The following HAUS3 variants were observed in gnomAD, a reference collection of about 807,000 sequenced individuals.
HAUS3 encodes HAUS augmin like complex subunit 3.
Under a neutral mutation model 55.2 loss-of-function variants are expected in HAUS3, and 36 were observed. The observed-to-expected ratio is 0.65, with a 90% CI of 0.50 to 0.86. The LOEUF is 0.86. Among genes scored for constraint, HAUS3 ranks in the 40% least tolerant of loss-of-function variants. The pLI, the probability that HAUS3 is intolerant of heterozygous loss-of-function variation, is 0.00. For missense variants in HAUS3, 752 were observed against 671.5 expected, an observed-to-expected ratio of 1.12 and a Z score of -1.33; for synonymous variants, 234 against 238.6, an observed-to-expected ratio of 0.98 and a Z score of 0.18.
chr4:2,241,548 C>T lies in HAUS3; in HGVS notation c.-176G>A. 1.0e-6 allele frequency: 1 copy of T among 985,988 alleles called. No individual in the cohort carries two copies. The highest frequency in any genetic ancestry group is 1.2e-6 in the Non-Finnish European group (1 of 830,340). 61.1% of individuals were successfully genotyped at this position (985,988 alleles called of 1,614,324 possible). A position where few individuals can be genotyped will look rare whatever the true frequency, so the allele number is the denominator to read the frequency against. On this transcript the variant is annotated 5_prime_UTR_variant, in exon 2 of 6. Coordinates refer to ENST00000443786, the MANE Select transcript of HAUS3 (RefSeq NM_001303143.2). ...AACGTCTCGCCGGGCAAGGCTCCACCTCCAGAGTCCACCACCGCGACGCGG... is the reference window on the plus strand; with the variant it reads ...AACGTCTCGCCGGGCAAGGCTCCACTTCCAGAGTCCACCACCGCGACGCGG...
Position 2,240,633 on chromosome 4 carries a change from T to C in HAUS3, c.314A>G (p.Glu105Gly). Residue 105 changes from glutamate (E) to glycine (G), a missense_variant, in exon 3 of 6, where the codon GAG (glutamate) becomes GGG (glycine). Transcript: ENST00000443786. ...CTTTAATTTCAGTAGAGTTTGAACC[T>C]CATCCTCTAATTTCTCCAGCTCTTT... ...DDKELEKLEDEVQTLLKLKNL... is the reference protein window; with the variant it reads ...DDKELEKLEDGVQTLLKLKNL... 1.2e-6 allele frequency: 2 copies of C among 1,613,736 alleles called. No homozygotes were observed. Among genetic ancestry groups the C allele is most frequent in the Non-Finnish European group, 8.5e-7 (1 of 1,179,944 alleles).
Position 2,240,916 on chromosome 4 carries a change from A to G in HAUS3, c.31T>C (p.Leu11=), listed in dbSNP as rs1476809954. Residue 11 remains leucine (L), a synonymous_variant, in exon 3 of 6, where the codon TTA becomes CTA. Coordinates refer to ENST00000443786, the MANE Select transcript of HAUS3 (RefSeq NM_001303143.2). MSCGNEFVET[L]KKIGYPKADN... The stretch of plus-strand genomic sequence containing the variant: ...GCTTTGGGATAACCAATTTTTTTTA[A>G]TGTTTCCACAAACTCATTTCCACAA... 6.2e-7 allele frequency: 1 copy of G among 1,600,052 alleles called. No homozygotes were observed. The highest frequency in any genetic ancestry group is 8.5e-7 in the Non-Finnish European group (1 of 1,178,902).
intron 5 of HAUS3, among the ~76,000 whole-genome samples, chr4:2,235,058 GTATTT>G (rs1311285680): frequency 5.9e-5 from 9 of 152,268 alleles, no homozygotes; most frequent in African/African-American, 2.2e-4. Flanking sequence ...GCTAATTTTT[GTATTT>G]TTAGTAGAGA....
chr4:2,240,511 T>C lies in HAUS3; in HGVS notation c.436A>G (p.Lys146Glu), dbSNP rs1734941417. ...ATTCCTTGACTCTGCTTCAGCTTTTTAGTGGCTTCTTCTTCTTTAGCATTT... is the reference window on the plus strand; with the variant it reads ...ATTCCTTGACTCTGCTTCAGCTTTTCAGTGGCTTCTTCTTCTTTAGCATTT... ...RLNAKEEEAT[K>E]KLKQSQGILN... The change falls in exon 3 of 6, where the codon AAA becomes GAA. Residue 146 changes from lysine to glutamate, a missense_variant. By Grantham distance (56) the Lys-to-Glu change is moderately conservative. Coordinates refer to ENST00000443786, the MANE Select transcript of HAUS3 (RefSeq NM_001303143.2). The C allele has an allele frequency of 6.2e-7, 1 of 1,613,902 alleles. No individual in the cohort carries two copies. Among genetic ancestry groups the C allele is most frequent in the Non-Finnish European group, 8.5e-7 (1 of 1,179,960 alleles).
Position 2,231,833 on chromosome 4 carries a change from A to T in HAUS3, c.*94T>A. 1 of 629,444 alleles carries T rather than the reference A, an allele frequency of 1.6e-6. No homozygotes were observed. Among genetic ancestry groups the T allele is most frequent in the Middle Eastern group, 3.8e-4 (1 of 2,604 alleles). 39.0% of individuals were successfully genotyped at this position (629,444 alleles called of 1,614,324 possible). A position where few individuals can be genotyped will look rare whatever the true frequency, so the allele number is the denominator to read the frequency against. On this transcript the variant is annotated 3_prime_UTR_variant, in exon 6 of 6. Transcript: ENST00000443786. ...ATTCATCAAATTAAATGTTCCATTG[A>T]CCTCAAATTTTAAAAATTTAGTAGT...
intron 5 of HAUS3, chr4:2,234,204 A>G (rs1168202964): frequency 6.6e-6 from 1 of 152,244 alleles, no homozygotes; most frequent in Non-Finnish European, 1.5e-5. Flanking sequence ...CATGCTAAGT[A>G]AAAACAAAAC....
Position 2,238,715 on chromosome 4 carries a change from CT to C in HAUS3, c.1237del (p.Ser413ValfsTer5). On this transcript the variant is annotated frameshift_variant, in exon 4 of 6. Transcript: ENST00000443786. LOFTEE classifies it high-confidence loss of function. ...RQLENLVQEL[S>X]QSNMMLYKQL... is the part of the protein sequence containing the mutation. Reference sequence around the variant, plus strand: ...CTTGTAGAGCATCATGTTACTTTGACTAAGTTCTTGAACCAAATTTTCAAGT... The same window carrying C: ...CTTGTAGAGCATCATGTTACTTTGACAAGTTCTTGAACCAAATTTTCAAGT... 1 of 1,613,620 alleles carries C rather than the reference CT, an allele frequency of 6.2e-7. No homozygotes were observed. Among genetic ancestry groups the C allele is most frequent in the East Asian group, 2.2e-5 (1 of 44,798 alleles).
chr4:2,239,935 C>A (rs1327962558), intron 3 of HAUS3, 103 bp downstream of exon 3: 5 of 840,104 alleles, frequency 6.0e-6, no homozygotes, highest in African/African-American at 3.5e-5. Context: ...AAAATGTAAT[C>A]TCTTCTCAGA....
At position 2,238,784 on chromosome 4, in the gene HAUS3, G is replaced by A. The variant is rs780154158; in HGVS notation, c.1169C>T (p.Ser390Leu). 6.2e-7 allele frequency: 1 copy of A among 1,613,498 alleles called. No individual in the cohort carries two copies. Among genetic ancestry groups the A allele is most frequent in the African/African-American group, 1.3e-5 (1 of 74,914 alleles). ...ATGCTTTCTTAATTCAATTTCATATGATAACTGTAGAAGTTCAAATGATGC... is the reference window on the plus strand; with the variant it reads ...ATGCTTTCTTAATTCAATTTCATATAATAACTGTAGAAGTTCAAATGATGC... ...QKASFELLQL[S>L]YEIELRKHRD... Residue 390 changes from serine (S) to leucine (L), a missense_variant, in exon 4 of 6, where the codon TCA becomes TTA. Ser to Leu is a moderately radical substitution (Grantham distance 145, BLOSUM62 -2). Transcript: ENST00000443786.
rs954454358 is a variant in HAUS3 at position 2,229,831 on chromosome 4, A to C, written c.*2096T>G. ...AGAGTGAAACTCCGTCTCAAAAAAT[A>C]AAAAATAAATAAATAAATAAATAAA... On this transcript the variant is annotated 3_prime_UTR_variant, in exon 6 of 6. Coordinates refer to ENST00000443786, the MANE Select transcript of HAUS3 (RefSeq NM_001303143.2). The C allele has an allele frequency of 7.2e-5, 11 of 152,288 alleles. No homozygotes were observed. The highest frequency in any genetic ancestry group is 2.7e-4 in the African/African-American group (11 of 41,426). The allele number at this position is 152,288 out of a possible 1,614,324, so 9.4% of individuals were successfully genotyped here.
In HAUS3 at chr4:2,239,059, C is replaced by A; in HGVS notation, c.910-16G>T. On this transcript the variant is annotated splice_polypyrimidine_tract_variant and intron_variant, in intron 3 of 5. Coordinates refer to ENST00000443786, the MANE Select transcript of HAUS3 (RefSeq NM_001303143.2). ...TGTCCACAGCCTATACAAAGAAAAG[C>A]AATTACATTTCAAACTGTATGCCTA... 7.2e-7 allele frequency: 1 copy of A among 1,392,484 alleles called. No individual in the cohort carries two copies. The allele number at this position is 1,392,484 out of a possible 1,614,324, so 86.3% of individuals were successfully genotyped here.
chr4:2,241,449 T>G lies in HAUS3; in HGVS notation c.-148+71A>C, dbSNP rs1458341103. 3.1e-6 allele frequency: 3 copies of G among 971,658 alleles called. No homozygotes were observed. In the South Asian group the frequency reaches 1.4e-4, roughly 46 times the overall value. 60.2% of individuals were successfully genotyped at this position (971,658 alleles called of 1,614,324 possible). A position where few individuals can be genotyped will look rare whatever the true frequency, so the allele number is the denominator to read the frequency against. ...CACCAGGAGGCTAGGCAGCCTCTCTTCCCTGCCCTCCGTACGTAAGAAGAC... is the reference window on the plus strand; with the variant it reads ...CACCAGGAGGCTAGGCAGCCTCTCTGCCCTGCCCTCCGTACGTAAGAAGAC... On this transcript the variant is annotated intron_variant, in intron 2 of 5. Coordinates refer to ENST00000443786, the MANE Select transcript of HAUS3 (RefSeq NM_001303143.2).
Position 2,242,095 on chromosome 4 carries a change from C to T in HAUS3, c.-463G>A. 6 of 985,882 alleles carry T rather than the reference C, an allele frequency of 6.1e-6. No individual in the cohort carries two copies. The highest frequency in any genetic ancestry group is 1.7e-5 in the African/African-American group (1 of 57,372). 61.1% of individuals were successfully genotyped at this position (985,882 alleles called of 1,614,324 possible). On this transcript the variant is annotated 5_prime_UTR_variant, in exon 1 of 6. Coordinates refer to ENST00000443786, the MANE Select transcript of HAUS3 (RefSeq NM_001303143.2). ...TTCTCGCAGGAGCCCGCCGCCACCG[C>T]CCTCCGTGCCCCGCGCGCCTCGCAC... is the stretch of plus-strand genomic sequence containing the variant.
At chr4:2,235,046 CG>C (rs989262991) in intron 5 of HAUS3, among the ~76,000 whole-genome samples, 4 of 152,132 alleles carry the variant, frequency 2.6e-5, no homozygotes, top group Middle Eastern at 3.2e-3. Context: ...CCACCACGCC[CG>C]GCTAATTTTT....
chr4:2,237,524 GAGGGA>G (rs1734810007), intron 4 of HAUS3, among the ~76,000 whole-genome samples: 1 of 151,916 alleles, frequency 6.6e-6, no homozygotes, highest in African/African-American at 2.4e-5. Context: ...GGAAAGGAAG[GAGGGA>G]AGGAAGGAAA....
rs752251818 is a variant in HAUS3 at position 2,240,807 on chromosome 4, A to G, written c.140T>C (p.Val47Ala). The change falls in exon 3 of 6, where the codon GTG becomes GCG. Residue 47 changes from valine (V) to alanine (A), a missense_variant. Physicochemically the swap from Val to Ala is moderately conservative, Grantham distance 64. Transcript: ENST00000443786. ...ESFLKWFCGN[V>A]NEQNVLSERE... ...TTCAGACAACACGTTCTGTTCATTCACATTCCCACAAAACCACTTCAGAAA... is the reference window on the plus strand; with the variant it reads ...TTCAGACAACACGTTCTGTTCATTCGCATTCCCACAAAACCACTTCAGAAA... 1.4e-5 allele frequency: 23 copies of G among 1,613,790 alleles called. No individual in the cohort carries two copies. The Admixed American group carries it at 2.8e-4, about 20-fold the overall frequency.
intron 5 of HAUS3, among the ~76,000 whole-genome samples, chr4:2,233,310 T>C (rs1466659582): frequency 6.6e-6 from 1 of 152,138 alleles, no homozygotes; most frequent in Non-Finnish European, 1.5e-5. Context: ...TTCAGCTTCA[T>C]TAATAATAGA....
chr4:2,238,460 T>C, intron 4 of HAUS3, 144 bp downstream of exon 4: 2 of 492,538 alleles, frequency 4.1e-6, no homozygotes, highest in South Asian at 4.1e-5. Context: ...AAAAAAGGCA[T>C]ATGAAAATGG....
intron 5 of HAUS3, among the ~76,000 whole-genome samples, chr4:2,235,713 C>T (rs1400602404): frequency 6.6e-6 from 1 of 151,992 alleles, no homozygotes; most frequent in Non-Finnish European, 1.5e-5. Context: ...ACATAAAGTT[C>T]AACGACATAT....
Sources: allele counts gnomAD v4.1 joint callset (sites outside exome capture counted in the v4.1 genomes callset), GRCh38; gene constraint gnomAD v4.1.1; transcripts MANE v1.5; gene names NCBI Gene and HGNC (gene_info 2026-07-23, HGNC 2026-07-21).